The following PARD3 variants were observed in gnomAD, a reference collection of about 807,000 sequenced individuals.
PARD3 encodes the protein par-3 family cell polarity regulator.
Under a neutral mutation model 155.4 loss-of-function variants are expected in PARD3, and 75 were observed. The observed-to-expected ratio is 0.48, with a 90% CI of 0.40 to 0.58. The LOEUF (loss-of-function observed/expected upper bound fraction) is 0.58. Ranked by LOEUF, PARD3 falls within the 20% of genes least tolerant of loss-of-function variation. PARD3 has a pLI of 0.00. For synonymous variants in PARD3, 576 were observed against 610.5 expected (o/e 0.94, Z 0.83); for missense variants, 1,642 against 1,721.7 (o/e 0.95, Z 0.82).
At chr10:34,615,833 T>C (rs1051717878) in intron 2 of PARD3, among the ~76,000 whole-genome samples, 1 of 152,096 alleles carries the variant, frequency 6.6e-6, no homozygotes, top group Non-Finnish European at 1.5e-5. Flanking sequence ...AAGAAACATA[T>C]GAAAATATGT....
chr10:34,551,886 C>CA (rs1056852064), intron 2 of PARD3, among the ~76,000 whole-genome samples: 6 of 151,896 alleles, frequency 4.0e-5, no homozygotes, highest in East Asian at 3.9e-4. Flanking sequence ...TTTGCAGAGA[C>CA]AAAAAAAATC....
intron 22 of PARD3, among the ~76,000 whole-genome samples, chr10:34,194,618 T>G (rs2133288210): frequency 6.6e-6 from 1 of 151,638 alleles, no homozygotes; most frequent in African/African-American, 2.4e-5. Flanking sequence ...AAAGCTTTTT[T>G]TTTTTTTTTT....
intron 22 of PARD3, among the ~76,000 whole-genome samples, chr10:34,132,569 T>C (rs1314608772): frequency 6.6e-6 from 1 of 152,176 alleles, no homozygotes; most frequent in African/African-American, 2.4e-5. Context: ...CCAAGAGTAA[T>C]AGAGATTGAT....
intron 1 of PARD3, among the ~76,000 whole-genome samples, chr10:34,758,267 C>T (rs936547736): frequency 6.6e-6 from 1 of 152,160 alleles, no homozygotes. Context: ...TTTCCACATG[C>T]CACTGCTATA....
intron 20 of PARD3, among the ~76,000 whole-genome samples, chr10:34,315,006 T>C (rs1250568904): frequency 6.6e-6 from 1 of 152,180 alleles, no homozygotes; most frequent in Non-Finnish European, 1.5e-5. Flanking sequence ...TTAACAGTCA[T>C]TCTTAAACAC....
chr10:34,452,012 G>C (rs527536205), intron 4 of PARD3, among the ~76,000 whole-genome samples: 1 of 152,004 alleles, frequency 6.6e-6, no homozygotes, highest in African/African-American at 2.4e-5. Flanking sequence ...AAGTCATAAA[G>C]GGTAGACTTG....
rs144731688 is a variant in PARD3 at position 34,358,769 on chromosome 10, A to T, written c.2067+378T>A. 2.2e-3 allele frequency among the ~76,000 whole-genome samples: 335 copies of T among 152,316 alleles called. 11 individuals carry two copies. The East Asian group carries it at 0.059, about 27-fold the overall frequency. On this transcript the variant is annotated intron_variant, in intron 14 of 24. Coordinates refer to ENST00000374788, the MANE Select transcript of PARD3 (RefSeq NM_001184785.2). ...TGTAAGAGGCATCCCATTTTAAATA[A>T]ATGAATAAGCAACTGTTTCTCTGCA...
chr10:34,501,232 G>T (rs2133427288), intron 3 of PARD3, among the ~76,000 whole-genome samples: 1 of 152,162 alleles, frequency 6.6e-6, no homozygotes, highest in African/African-American at 2.4e-5. Context: ...TGAATCCTGG[G>T]GACGATTCCT....
chr10:34,427,412 T>A (rs1295970277), intron 5 of PARD3, among the ~76,000 whole-genome samples: 1 of 152,212 alleles, frequency 6.6e-6, no homozygotes, highest in Non-Finnish European at 1.5e-5. Flanking sequence ...TCTCCTGCAG[T>A]GCCCCTAGGC....
chr10:34,416,113 C>T (rs895963489), intron 5 of PARD3, among the ~76,000 whole-genome samples: 4 of 152,142 alleles, frequency 2.6e-5, no homozygotes, highest in Non-Finnish European at 5.9e-5. Flanking sequence ...TAGGTCTACC[C>T]TCCTCAAAAG....
intron 1 of PARD3, among the ~76,000 whole-genome samples, chr10:34,807,942 G>A (rs939860879): frequency 2.6e-5 from 4 of 152,256 alleles, no homozygotes; most frequent in East Asian, 1.9e-4. Context: ...ACCTATACAC[G>A]AAAGTTATTT....
At chr10:34,605,180 A>ATTTTTTTTTTTTTTTTTTT (rs750688603) in intron 2 of PARD3, among the ~76,000 whole-genome samples, 5 of 62,482 alleles carry the variant, frequency 8.0e-5, no homozygotes, top group African/African-American at 2.8e-4. Context: ...CCAAAATGAA[A>ATTTTTTTTTTTTTTTTTTT]TTTTTTTTTT....
At chr10:34,580,072 C>A (rs758901690) in intron 2 of PARD3, among the ~76,000 whole-genome samples, 1 of 151,864 alleles carries the variant, frequency 6.6e-6, no homozygotes, top group Admixed American at 6.6e-5. Flanking sequence ...TACCACCATG[C>A]CTGGATAATT....
At chr10:34,442,179 T>C (rs939007810) in intron 5 of PARD3, among the ~76,000 whole-genome samples, 2 of 152,202 alleles carry the variant, frequency 1.3e-5, no homozygotes, top group African/African-American at 2.4e-5. Context: ...AACCAAATAA[T>C]ATGAACAGTC....
chr10:34,315,655 A>G (rs1957962261), intron 20 of PARD3, among the ~76,000 whole-genome samples: 1 of 152,222 alleles, frequency 6.6e-6, no homozygotes, highest in Non-Finnish European at 1.5e-5. Context: ...ATGAGCTGTC[A>G]GTCTGCACAT....
chr10:34,118,510 A>ATTTTTGT (rs1946805781), intron 24 of PARD3, among the ~76,000 whole-genome samples: 1 of 152,082 alleles, frequency 6.6e-6, no homozygotes, highest in Non-Finnish European at 1.5e-5. Context: ...AAGCCCAGCT[A>ATTTTTGT]ATTTTTGTAT....
intron 3 of PARD3, among the ~76,000 whole-genome samples, chr10:34,488,344 G>C (rs1006798346): frequency 2.0e-5 from 3 of 151,618 alleles, no homozygotes; most frequent in Non-Finnish European, 2.9e-5. Context: ...TTTTGAGACA[G>C]AGTCTCGCTC....
chr10:34,337,807 G>A (rs1382032659), intron 16 of PARD3, among the ~76,000 whole-genome samples: 7 of 152,066 alleles, frequency 4.6e-5, no homozygotes, highest in Non-Finnish European at 1.0e-4. Flanking sequence ...CACTAGCAGC[G>A]AACAAGTGAC....
chr10:34,565,895 AG>A (rs2085903011), intron 2 of PARD3, among the ~76,000 whole-genome samples: 1 of 152,234 alleles, frequency 6.6e-6, no homozygotes, highest in Non-Finnish European at 1.5e-5. Flanking sequence ...AGGAACAAAA[AG>A]TCGTGATTCA....
Sources: allele counts gnomAD v4.1 joint callset (sites outside exome capture counted in the v4.1 genomes callset), GRCh38; gene constraint gnomAD v4.1.1; transcripts MANE v1.5; gene names NCBI Gene and HGNC (gene_info 2026-07-23, HGNC 2026-07-21).